The following CCT4 variants were observed in gnomAD, a reference collection of about 807,000 sequenced individuals.
CCT4 encodes the protein T-complex protein 1 subunit delta.
CCT4 carries 17 observed loss-of-function variants against 62.5 expected under a neutral mutation model. The observed-to-expected ratio is 0.27, with a 90% CI of 0.19 to 0.41. The LOEUF (loss-of-function observed/expected upper bound fraction) is 0.41. Among genes scored for constraint, CCT4 ranks in the 10% least tolerant of loss-of-function variants. CCT4 has a pLI of 1.00. For missense variants in CCT4, 592 were observed against 659.2 expected, an observed-to-expected ratio of 0.90 and a Z score of 1.12; for synonymous variants, 250 against 229.9, an observed-to-expected ratio of 1.09 and a Z score of -0.79.
intron 2 of CCT4, among the ~76,000 whole-genome samples, chr2:61,883,868 A>T (rs1198612632): frequency 1.3e-5 from 2 of 152,068 alleles, no homozygotes; most frequent in Admixed American, 6.6e-5. Context: ...ATTTCTTATT[A>T]ATCAGAAACA....
rs57068738 is a variant in CCT4, at chr2:61,883,416, C to CAAA, written c.270+40_270+42dup. 3.9e-4 allele frequency: 275 copies of CAAA among 712,872 alleles called. 1 individual carries two copies. The highest frequency in any genetic ancestry group is 2.5e-3 in the Admixed American group (77 of 30,636). The allele number at this position is 712,872 out of a possible 1,614,324, so 44.2% of individuals were successfully genotyped here. On this transcript the variant is annotated intron_variant, in intron 3 of 13. Coordinates refer to ENST00000394440, the MANE Select transcript of CCT4 (RefSeq NM_006430.4). ...TGGATGACAGAGCAAGACTCTGTCT[C>CAAA]AAAAAAAAAAAAAAAAAAAGACTCA...
intron 3 of CCT4, among the ~76,000 whole-genome samples, chr2:61,883,198 T>G (rs1055322218): frequency 2.6e-5 from 4 of 152,020 alleles, no homozygotes; most frequent in Non-Finnish European, 4.4e-5. Flanking sequence ...CCAACGTAGG[T>G]GGATCACAAG....
At chr2:61,884,874 C>T in intron 2 of CCT4, 146 bp downstream of exon 2, 1 of 640,834 alleles carries the variant, frequency 1.6e-6, no homozygotes, top group Non-Finnish European at 2.7e-6. Context: ...GTGATCCTCC[C>T]CTCACCCTCC....
chr2:61,872,932 A>G, intron 10 of CCT4, 70 bp downstream of exon 10: 2 of 932,560 alleles, frequency 2.1e-6, no homozygotes, highest in Non-Finnish European at 3.5e-6. Flanking sequence ...GTCTCAAAAA[A>G]AGAAAAAAAA....
At position 61,884,982 on chromosome 2, in the gene CCT4, G is replaced by C. The variant is rs151325906; in HGVS notation, c.180+38C>G. On this transcript the variant is annotated intron_variant, in intron 2 of 13. Coordinates refer to ENST00000394440, the MANE Select transcript of CCT4 (RefSeq NM_006430.4). ...ACAAGATCTTGTAGTGTGAACAGCA[G>C]TGCTCAATTAGTAGTATTCAATGAC... The C allele has an allele frequency of 1.0e-5, 15 of 1,500,972 alleles. No individual in the cohort carries two copies. In the African/African-American group the frequency reaches 1.1e-4, roughly 11 times the overall value. 93.0% of individuals were successfully genotyped at this position (1,500,972 alleles called of 1,614,324 possible).
rs112986935 is a variant in CCT4 at position 61,876,401 on chromosome 2, A to T, written c.778-167T>A. Among the ~76,000 whole-genome samples the T allele has an allele frequency of 4.7e-3, 710 of 152,336 alleles. 7 individuals carry two copies. Among genetic ancestry groups the T allele is most frequent in the African/African-American group, 0.016 (665 of 41,582 alleles). ...GAGTCTGGATTAAGATACACATCCC[A>T]AACTTGAGTCTTTTATTTTCAACTA... On this transcript the variant is annotated intron_variant, in intron 7 of 13. Transcript: ENST00000394440.
At chr2:61,883,056 G>A (rs533244288) in intron 3 of CCT4, among the ~76,000 whole-genome samples, 114 of 152,260 alleles carry the variant, frequency 7.5e-4, no homozygotes, top group Non-Finnish European at 1.2e-3. Flanking sequence ...AGCACGAAAA[G>A]TGTTCATCGT....
chr2:61,869,594 A>G (rs1181451947), intron 12 of CCT4, 41 bp from the exon 13 acceptor site: 11 of 1,079,644 alleles, frequency 1.0e-5, no homozygotes, highest in Non-Finnish European at 1.3e-5. Flanking sequence ...AGTGTCTGTG[A>G]TAATACACAT....
At chr2:61,880,245 T>TA in intron 4 of CCT4, 41 bp downstream of exon 4, 1 of 1,123,970 alleles carries the variant, frequency 8.9e-7, no homozygotes, top group East Asian at 2.5e-5. Context: ...GTTTGTTTTT[T>TA]AAACTTTTCT....
rs1669168198 is a variant in CCT4, at chr2:61,883,749, G to C, written c.181-201C>G. On this transcript the variant is annotated intron_variant, in intron 2 of 13. Transcript: ENST00000394440. The stretch of plus-strand genomic sequence containing the variant: ...AAGAAAAAAGTGGCTTTGTTGCAGG[G>C]TAATCTAAAAGTGAAGAAATGTAGA... Among the ~76,000 whole-genome samples, 4 of 148,594 alleles carry C rather than the reference G, an allele frequency of 2.7e-5. No individual in the cohort carries two copies. In the Admixed American group the frequency reaches 2.8e-4, roughly 10 times the overall value.
intron 1 of CCT4, chr2:61,887,923 G>C (rs1176786186): frequency 6.5e-6 from 1 of 153,216 alleles, no homozygotes; most frequent in Non-Finnish European, 1.5e-5. Context: ...ATTTAGACTC[G>C]GAGAGTTCAC....
rs1669322050 is a variant in CCT4 at position 61,888,625 on chromosome 2, G to C, written c.-118C>G. ...CTTCACGAACCTTCCAGAAAGCGGC[G>C]CCGGCGTCGGGAGGAGGCGGAGGCG... On this transcript the variant is annotated 5_prime_UTR_variant, in exon 1 of 14. Transcript: ENST00000394440. 1 of 1,274,456 alleles carries C rather than the reference G, an allele frequency of 7.8e-7. No homozygotes were observed. Among genetic ancestry groups the C allele is most frequent in the Non-Finnish European group, 1.0e-6 (1 of 952,688 alleles). 78.9% of individuals were successfully genotyped at this position (1,274,456 alleles called of 1,614,324 possible).
rs1802069 is a variant in CCT4 at position 61,872,269 on chromosome 2, C to T, written c.1304G>A (p.Arg435Gln). 13 of 1,612,210 alleles carry T rather than the reference C, an allele frequency of 8.1e-6. No individual in the cohort carries two copies. Among genetic ancestry groups the T allele is most frequent in the East Asian group, 2.2e-5 (1 of 44,836 alleles). ...GGAPEIELAL[R>Q]LTEYSRTLSG... ...CAGTGTTCGTGAATATTCAGTTAAT[C>T]GTAGGGCCAACTCTATTTCTGGAGC... Residue 435 changes from arginine to glutamine, a missense_variant, in exon 12 of 14, where the codon CGA becomes CAA. By Grantham distance (43) the Arg-to-Gln change is conservative. Around this residue, in one of 3 missense-constraint regions of CCT4, gnomAD observed 522 missense variants for 571.2 expected, o/e 0.91. Coordinates refer to ENST00000394440, the MANE Select transcript of CCT4 (RefSeq NM_006430.4).
intron 4 of CCT4, among the ~76,000 whole-genome samples, chr2:61,879,256 C>CT (rs35373962): frequency 0.58 from 57,762 of 100,312 alleles, 18,796 homozygotes; most frequent in East Asian, 0.88. Context: ...AAATTTTATA[C>CT]TTTTTTTTTT....
intron 12 of CCT4, 87 bp downstream of exon 12, chr2:61,871,995 A>T: frequency 1.1e-6 from 1 of 887,388 alleles, no homozygotes; most frequent in Non-Finnish European, 1.7e-6. Flanking sequence ...GCTTTTCATT[A>T]CAGAGCTTTC....
At chr2:61,883,353 G>C in intron 3 of CCT4, 106 bp downstream of exon 3, 2 of 597,030 alleles carry the variant, frequency 3.3e-6, no homozygotes, top group Non-Finnish European at 5.7e-6. Context: ...GGAGGCAGAG[G>C]TTGCAGTGAG....
In CCT4 at chr2:61,869,504, A is replaced by G; in HGVS notation, c.1541T>C (p.Val514Ala). 1 of 1,612,520 alleles carries G rather than the reference A, an allele frequency of 6.2e-7. No individual in the cohort carries two copies. Among genetic ancestry groups the G allele is most frequent in the South Asian group, 1.1e-5 (1 of 91,056 alleles). The change falls in exon 13 of 14, where the codon GTA (valine) becomes GCA (alanine). Residue 514 changes from valine to alanine, a missense_variant. This residue lies in a region of CCT4 where 522 missense variants were observed against 571.2 expected (regional missense o/e 0.91). Transcript: ENST00000394440. ...TGCAAGAGTCAGAGCACTGACTGAT[A>G]CCAACAGAGGCTGGACAACCAGTTC... ...LEELVVQPLL[V>A]SVSALTLATE...
chr2:61,886,363 G>T (rs185112648), intron 1 of CCT4, among the ~76,000 whole-genome samples: 1 of 152,172 alleles, frequency 6.6e-6, no homozygotes, highest in African/African-American at 2.4e-5. Flanking sequence ...AATGAGCAGA[G>T]ATCACACCAC....
chr2:61,884,970 G>A lies in CCT4; in HGVS notation c.180+50C>T, dbSNP rs1669215066. 6 of 1,432,482 alleles carry A rather than the reference G, an allele frequency of 4.2e-6. No individual in the cohort carries two copies. The African/African-American group carries it at 5.8e-5, about 14-fold the overall frequency. 88.7% of individuals were successfully genotyped at this position (1,432,482 alleles called of 1,614,324 possible). On this transcript the variant is annotated intron_variant, in intron 2 of 13. Coordinates refer to ENST00000394440, the MANE Select transcript of CCT4 (RefSeq NM_006430.4). ...TCTAACCCTTCAACAAGATCTTGTA[G>A]TGTGAACAGCAGTGCTCAATTAGTA...
Sources: allele counts gnomAD v4.1 joint callset (sites outside exome capture counted in the v4.1 genomes callset), GRCh38; gene constraint gnomAD v4.1.1; regional missense constraint gnomAD v4.1.1; transcripts MANE v1.5; gene names NCBI Gene and HGNC (gene_info 2026-07-23, HGNC 2026-07-21).